The following OCA2 variants were observed in gnomAD, a reference collection of about 807,000 sequenced individuals.
The protein encoded by OCA2 is OCA2 melanosomal transmembrane protein.
Under a neutral mutation model 100.2 loss-of-function variants are expected in OCA2, and 77 were observed. That is an observed-to-expected ratio of 0.77 (90% CI 0.64 to 0.93). OCA2 has a LOEUF of 0.93. OCA2 is among the 40% of genes least tolerant of loss of function. OCA2 has a pLI of 0.00. For missense variants in OCA2, 1,062 were observed against 1,089.1 expected, an observed-to-expected ratio of 0.98 and a Z score of 0.35; for synonymous variants, 432 against 439.2, an observed-to-expected ratio of 0.98 and a Z score of 0.21.
chr15:27,871,692 G>A (rs1363549259), intron 20 of OCA2, among the ~76,000 whole-genome samples, 171 bp downstream of exon 20: 1 of 152,190 alleles, frequency 6.6e-6, no homozygotes, highest in Non-Finnish European at 1.5e-5. Context: ...ATATTCTTCG[G>A]AAAAAGTCTC....
chr15:27,873,050 C>T (rs1276630652), intron 19 of OCA2, among the ~76,000 whole-genome samples: 1 of 152,212 alleles, frequency 6.6e-6, no homozygotes, highest in Non-Finnish European at 1.5e-5. Flanking sequence ...TGTTAGCCGA[C>T]TTTCATTTAA....
Position 28,081,854 on chromosome 15 carries a change from G to A in OCA2, c.21C>T (p.Asp7=), listed in dbSNP as rs369625319. The A allele has an allele frequency of 2.3e-5, 37 of 1,610,930 alleles. No individual in the cohort carries two copies. The highest frequency in any genetic ancestry group is 6.7e-5 in the Admixed American group (4 of 59,936). MHLEGR[D]GRRYPGAPAV... ...CCGGCGCGCCGGGGTACCGCCTGCCGTCTCTGCCCTCCAGATGCATGCTCC... is the reference window on the plus strand; with the variant it reads ...CCGGCGCGCCGGGGTACCGCCTGCCATCTCTGCCCTCCAGATGCATGCTCC... Residue 7 remains aspartate (D), a synonymous_variant, in exon 2 of 24, where the codon GAC becomes GAT. Transcript: ENST00000354638.
chr15:27,939,754 C>A (rs2039581063), intron 18 of OCA2, among the ~76,000 whole-genome samples: 1 of 152,228 alleles, frequency 6.6e-6, no homozygotes, highest in Non-Finnish European at 1.5e-5. Flanking sequence ...GTGCCTCTCA[C>A]AGTGAGGAGT....
At chr15:27,893,029 C>T (rs2037528739) in intron 19 of OCA2, among the ~76,000 whole-genome samples, 1 of 152,126 alleles carries the variant, frequency 6.6e-6, no homozygotes, top group South Asian at 2.1e-4. Context: ...ATCTGAATAG[C>T]CCTTTAGCCA....
chr15:27,774,787 C>A (rs2032094312), intron 23 of OCA2, among the ~76,000 whole-genome samples: 1 of 152,160 alleles, frequency 6.6e-6, no homozygotes, highest in Non-Finnish European at 1.5e-5. Context: ...CACAGAGAGG[C>A]AGCCGGACGC....
At chr15:28,024,596 TATGGCAACAAC>T (rs1478219929) in intron 5 of OCA2, among the ~76,000 whole-genome samples, 1 of 152,172 alleles carries the variant, frequency 6.6e-6, no homozygotes, top group Non-Finnish European at 1.5e-5. Context: ...CGACCTTCCA[TATGGCAACAAC>T]ATGCTGCCCG....
intron 23 of OCA2, among the ~76,000 whole-genome samples, chr15:27,755,739 G>A (rs749660913): frequency 6.6e-6 from 1 of 152,172 alleles, no homozygotes; most frequent in African/African-American, 2.4e-5. Flanking sequence ...GCCTCTGTTT[G>A]TTCATCTATA....
At chr15:27,877,749 T>C (rs2036851063) in intron 19 of OCA2, among the ~76,000 whole-genome samples, 1 of 152,018 alleles carries the variant, frequency 6.6e-6, no homozygotes, top group Non-Finnish European at 1.5e-5. Flanking sequence ...GGTAAAAGTA[T>C]GTCTCTTAAG....
intron 21 of OCA2, among the ~76,000 whole-genome samples, chr15:27,868,945 A>G (rs2036434612): frequency 6.6e-6 from 1 of 152,220 alleles, no homozygotes; most frequent in Non-Finnish European, 1.5e-5. Context: ...GAGTGAGGGA[A>G]AGTGGAGAGA....
At chr15:27,917,391 G>C (rs574419700) in intron 19 of OCA2, among the ~76,000 whole-genome samples, 1 of 152,282 alleles carries the variant, frequency 6.6e-6, no homozygotes, top group South Asian at 2.1e-4. Context: ...CTAGGAAGTA[G>C]CAAAGCTGAG....
intron 19 of OCA2, among the ~76,000 whole-genome samples, chr15:27,923,279 C>A (rs901202813): frequency 1.3e-5 from 2 of 152,222 alleles, no homozygotes; most frequent in Admixed American, 6.5e-5. Flanking sequence ...AATTCCATAT[C>A]TTTGCTATGG....
chr15:27,815,330 C>T (rs565152303), intron 23 of OCA2, among the ~76,000 whole-genome samples: 2 of 152,242 alleles, frequency 1.3e-5, no homozygotes, highest in African/African-American at 4.8e-5. Context: ...TGTGCCCAGA[C>T]GGTGCATCTG....
At chr15:27,931,256 G>T (rs2442127) in intron 18 of OCA2, among the ~76,000 whole-genome samples, 8,143 of 152,178 alleles carry the variant, frequency 0.054, 733 homozygotes, top group African/African-American at 0.19. Flanking sequence ...GAATTACCTG[G>T]ATGGATAACG....
chr15:27,756,391 C>T (rs1311523817), intron 23 of OCA2, among the ~76,000 whole-genome samples: 4 of 152,176 alleles, frequency 2.6e-5, no homozygotes, highest in Non-Finnish European at 4.4e-5. Flanking sequence ...ATTCCATGAG[C>T]GAGACAGCTC....
In OCA2 at chr15:27,943,976, C is replaced by A. The variant is rs146619517; in HGVS notation, c.1951+7808G>T. Among the ~76,000 whole-genome samples the A allele has an allele frequency of 1.5e-3, 226 of 152,306 alleles. 1 individual carries two copies. Among genetic ancestry groups the A allele is most frequent in the African/African-American group, 5.0e-3 (208 of 41,556 alleles). The stretch of plus-strand genomic sequence containing the variant: ...CACCTTGGGTACATGTTCTCAGGAT[C>A]TCCTGGAGTGGTGTCATGGGCCGTG... On this transcript the variant is annotated intron_variant, in intron 18 of 23. Transcript: ENST00000354638.
At chr15:28,070,374 C>A (rs1487568621) in intron 2 of OCA2, among the ~76,000 whole-genome samples, 1 of 139,804 alleles carries the variant, frequency 7.2e-6, no homozygotes, top group East Asian at 2.3e-4. Flanking sequence ...CACCTCTGCC[C>A]GGCCGCCCCT....
At chr15:28,052,692 T>C (rs1206907215) in intron 2 of OCA2, among the ~76,000 whole-genome samples, 1 of 152,214 alleles carries the variant, frequency 6.6e-6, no homozygotes, top group Admixed American at 6.5e-5. Context: ...ACTAGAATAC[T>C]ATTTCTGCAT....
At chr15:28,069,566 C>G (rs1219879345) in intron 2 of OCA2, among the ~76,000 whole-genome samples, 1 of 141,390 alleles carries the variant, frequency 7.1e-6, no homozygotes, top group East Asian at 2.1e-4. Context: ...GCACGCGCCG[C>G]CACGCCTGAC....
chr15:28,044,935 AG>A (rs1302177932), intron 2 of OCA2, among the ~76,000 whole-genome samples: 1 of 152,210 alleles, frequency 6.6e-6, no homozygotes, highest in African/African-American at 2.4e-5. Flanking sequence ...TTTAATACTT[AG>A]AATTGGTTCC....
Sources: allele counts gnomAD v4.1 joint callset (sites outside exome capture counted in the v4.1 genomes callset), GRCh38; gene constraint gnomAD v4.1.1; transcripts MANE v1.5; gene names NCBI Gene and HGNC (gene_info 2026-07-23, HGNC 2026-07-21).